The following PDZRN3 variants were observed in gnomAD, a reference collection of about 807,000 sequenced individuals.
PDZRN3 encodes PDZ domain containing ring finger 3.
PDZRN3 carries 38 observed loss-of-function variants against 85.7 expected under a neutral mutation model. The ratio of observed to expected loss-of-function variants is 0.44; its 90% CI spans 0.34 to 0.58. PDZRN3 has a LOEUF of 0.58. PDZRN3 is among the 20% of genes least tolerant of loss of function. The pLI is 0.01. For missense variants in PDZRN3, 1,629 were observed against 1,506.4 expected, an observed-to-expected ratio of 1.08 and a Z score of -1.35; for synonymous variants, 759 against 638.0, an observed-to-expected ratio of 1.19 and a Z score of -2.86.
rs1701289185 is a variant in PDZRN3, at chr3:73,384,169, T to G, written c.2397A>C (p.Glu799Asp). Residue 799 changes from glutamate (E) to aspartate (D), a missense_variant, in exon 10 of 10, where the codon GAA (glutamate) becomes GAC (aspartate). Transcript: ENST00000263666. ...GATTCTTGGAGGCTGGCCCGTAGGC[T>G]TCCGTGGTCCCCACAGCCCCTTCGC... ...PSSEGAVGTTEAYGPASKNLL... is the reference protein window; with the variant it reads ...PSSEGAVGTTDAYGPASKNLL... 2 of 1,614,076 alleles carry G rather than the reference T, an allele frequency of 1.2e-6. No individual in the cohort carries two copies. Among genetic ancestry groups the G allele is most frequent in the Non-Finnish European group, 1.7e-6 (2 of 1,180,026 alleles).
intron 3 of PDZRN3, among the ~76,000 whole-genome samples, chr3:73,593,630 T>TCCA (rs1702392178): frequency 6.6e-6 from 1 of 152,042 alleles, no homozygotes; most frequent in African/African-American, 2.4e-5. Context: ...TAAGCAGGTG[T>TCCA]CCACTTTGTG....
chr3:73,623,969 A>C, intron 1 of PDZRN3, 134 bp downstream of exon 1: 1 of 857,496 alleles, frequency 1.2e-6, no homozygotes, highest in Non-Finnish European at 1.6e-6. Flanking sequence ...ACAGCTGGTA[A>C]GCAGTGGAAG....
chr3:73,495,271 T>C (rs1356678422), intron 3 of PDZRN3, among the ~76,000 whole-genome samples: 1 of 148,486 alleles, frequency 6.7e-6, no homozygotes, highest in Non-Finnish European at 1.5e-5. Context: ...TTTTTAATTA[T>C]GGAAGTAAGA....
chr3:73,424,064 CTG>C (rs1205955152), intron 3 of PDZRN3, among the ~76,000 whole-genome samples: 2 of 151,898 alleles, frequency 1.3e-5, no homozygotes, highest in African/African-American at 2.4e-5. Context: ...AAAAAAGTAA[CTG>C]TGATAGACAA....
chr3:73,566,982 C>T (rs978434934), intron 3 of PDZRN3, among the ~76,000 whole-genome samples: 15 of 152,266 alleles, frequency 9.9e-5, no homozygotes, highest in Non-Finnish European at 1.9e-4. Flanking sequence ...TGTCCTTGTA[C>T]CTAAAATAAT....
rs143575314 is a variant in PDZRN3 at position 73,412,057 on chromosome 3, G to A, written c.919-7662C>T. 1.2e-4 allele frequency among the ~76,000 whole-genome samples: 19 copies of A among 152,284 alleles called. No individual in the cohort carries two copies. The East Asian group carries it at 3.7e-3, about 29-fold the overall frequency. ...ATGCTGGTGGCTTTCACCTTGAATTGGGAGAGGCATGCTTTAAGTTCACAA... is the reference window on the plus strand; with the variant it reads ...ATGCTGGTGGCTTTCACCTTGAATTAGGAGAGGCATGCTTTAAGTTCACAA... On this transcript the variant is annotated intron_variant, in intron 3 of 9. Coordinates refer to ENST00000263666, the MANE Select transcript of PDZRN3 (RefSeq NM_015009.3).
intron 3 of PDZRN3, among the ~76,000 whole-genome samples, chr3:73,547,093 C>G (rs1024194221): frequency 6.6e-6 from 1 of 152,266 alleles, no homozygotes; most frequent in Admixed American, 6.5e-5. Flanking sequence ...ACCCCACTCA[C>G]GACAACAGCC....
rs113850307 is a variant in PDZRN3, at chr3:73,514,219, G to T, written c.918+88135C>A. Among the ~76,000 whole-genome samples, 167 of 152,288 alleles carry T rather than the reference G, an allele frequency of 1.1e-3. 1 individual carries two copies. Among genetic ancestry groups the T allele is most frequent in the South Asian group, 6.0e-3 (29 of 4,818 alleles). ...TGGGTCTCTAAGGTAGGAGGTCTGG[G>T]ATCTGTTTATTCTACTTAGTTCAAG... On this transcript the variant is annotated intron_variant, in intron 3 of 9. Coordinates refer to ENST00000263666, the MANE Select transcript of PDZRN3 (RefSeq NM_015009.3).
intron 3 of PDZRN3, chr3:73,569,645 C>A: frequency 2.3e-6 from 2 of 866,962 alleles, no homozygotes; most frequent in Non-Finnish European, 1.4e-6. Flanking sequence ...CCAGGCAGGA[C>A]CTGAGGTTAC....
chr3:73,575,031 AAAGT>A (rs1439449580), intron 3 of PDZRN3, among the ~76,000 whole-genome samples: 1 of 152,230 alleles, frequency 6.6e-6, no homozygotes, highest in Non-Finnish European at 1.5e-5. Flanking sequence ...TAAAAATAAA[AAAGT>A]TAGTAAGTTA....
chr3:73,528,993 G>C (rs891521799), intron 3 of PDZRN3, among the ~76,000 whole-genome samples: 68 of 151,962 alleles, frequency 4.5e-4, no homozygotes, highest in Non-Finnish European at 8.8e-5. Flanking sequence ...AAAACTTGCT[G>C]ATCACCCTGT....
chr3:73,526,952 G>A (rs941731799), intron 3 of PDZRN3, among the ~76,000 whole-genome samples: 10 of 152,082 alleles, frequency 6.6e-5, no homozygotes, highest in Admixed American at 2.6e-4. Context: ...GGGTTCAAGC[G>A]GCTCTCCTGC....
intron 3 of PDZRN3, among the ~76,000 whole-genome samples, chr3:73,418,249 G>A (rs570864807): frequency 4.9e-4 from 74 of 152,260 alleles, no homozygotes; most frequent in African/African-American, 1.8e-3. Context: ...TAGCCGCACA[G>A]AACACCTGAC....
At chr3:73,523,005 G>GT (rs377137629) in intron 3 of PDZRN3, among the ~76,000 whole-genome samples, 13 of 151,982 alleles carry the variant, frequency 8.6e-5, no homozygotes, top group African/African-American at 1.7e-4. Context: ...AAAAGGAAGA[G>GT]TTTTTTTTGT....
intron 1 of PDZRN3, among the ~76,000 whole-genome samples, chr3:73,617,414 T>C (rs1051867351): frequency 2.0e-5 from 3 of 152,178 alleles, no homozygotes; most frequent in East Asian, 1.9e-4. Flanking sequence ...GGCTAACCCA[T>C]GGCATAAAAG....
chr3:73,542,656 C>A (rs1293815389), intron 3 of PDZRN3, among the ~76,000 whole-genome samples: 1 of 152,034 alleles, frequency 6.6e-6, no homozygotes, highest in East Asian at 1.9e-4. Context: ...CGCCTGTAAT[C>A]CCAGCTACTT....
At chr3:73,443,071 G>GC (rs914006316) in intron 3 of PDZRN3, among the ~76,000 whole-genome samples, 81 of 152,194 alleles carry the variant, frequency 5.3e-4, no homozygotes, top group African/African-American at 1.8e-3. Flanking sequence ...TCCCAGCCGC[G>GC]CCCCACCACC....
rs9832172 is a variant in PDZRN3, at chr3:73,486,585, G to A, written c.919-82190C>T. Among the ~76,000 whole-genome samples the A allele has an allele frequency of 6.5e-3, 987 of 152,268 alleles. 8 individuals carry two copies. Among genetic ancestry groups the A allele is most frequent in the African/African-American group, 0.022 (908 of 41,550 alleles). ...AGACAACGTGAATGTAATGTATGCC[G>A]CTGAATTGTACATTTAAAAATGGTT... On this transcript the variant is annotated intron_variant, in intron 3 of 9. Transcript: ENST00000263666.
chr3:73,535,714 C>T (rs1382386787), intron 3 of PDZRN3, among the ~76,000 whole-genome samples: 1 of 152,184 alleles, frequency 6.6e-6, no homozygotes, highest in African/African-American at 2.4e-5. Context: ...CGCTTATAAC[C>T]TGCATTTCCT....
Sources: gnomAD v4.1 joint callset for allele counts (sites outside exome capture counted in the v4.1 genomes callset) on GRCh38, gnomAD v4.1.1 for gene constraint, MANE v1.5 for transcripts, NCBI Gene and HGNC (gene_info 2026-07-23, HGNC 2026-07-21) for gene names.